Variants in FNIP1 observed in about 807,000 individuals in gnomAD.
FNIP1 encodes folliculin interacting protein 1.
Under a neutral mutation model 124.5 loss-of-function variants are expected in FNIP1, and 40 were observed. That is an observed-to-expected ratio of 0.32 (90% CI 0.25 to 0.42). The LOEUF is 0.42. FNIP1 is among the 10% of genes least tolerant of loss of function. The pLI is 1.00. For missense variants in FNIP1, 1,176 were observed against 1,403.7 expected (o/e 0.84, Z 2.59); for synonymous variants, 472 against 470.6 (o/e 1.00, Z -0.04).
chr5:131,677,676 TA>T, intron 13 of FNIP1, 26 bp downstream of exon 13: 1 of 1,586,924 alleles, frequency 6.3e-7, no homozygotes, highest in African/African-American at 1.3e-5. Context: ...GTCTAATACA[TA>T]GTGTAACAGT....
chr5:131,738,108 A>G (rs1384364996), intron 2 of FNIP1, among the ~76,000 whole-genome samples: 1 of 152,184 alleles, frequency 6.6e-6, no homozygotes, highest in Non-Finnish European at 1.5e-5. Flanking sequence ...CATATTGCCC[A>G]GGCTGGCCTC....
chr5:131,730,889 CATCA>C lies in FNIP1; in HGVS notation c.354+11_354+14del. On this transcript the variant is annotated intron_variant, in intron 3 of 17. Transcript: ENST00000510461. ...TATAAATGAATGAATAAATAAATGA[CATCA>C]ATGATCTTACCTGGTACTTAAGACA... The C allele has an allele frequency of 6.3e-7, 1 of 1,579,694 alleles. No homozygotes were observed. The highest frequency in any genetic ancestry group is 8.6e-7 in the Non-Finnish European group (1 of 1,162,976).
At chr5:131,770,377 G>C (rs1054478493) in intron 1 of FNIP1, among the ~76,000 whole-genome samples, 1 of 152,150 alleles carries the variant, frequency 6.6e-6, no homozygotes, top group African/African-American at 2.4e-5. Flanking sequence ...AGACATTTTA[G>C]AATGCTTTAC....
chr5:131,652,644 G>T (rs1299598311), intron 15 of FNIP1, among the ~76,000 whole-genome samples: 1 of 152,120 alleles, frequency 6.6e-6, no homozygotes, highest in Non-Finnish European at 1.5e-5. Context: ...CCTGGCCTGA[G>T]ACAAACATTT....
chr5:131,745,893 C>A (rs1490240877), intron 1 of FNIP1, among the ~76,000 whole-genome samples: 1 of 152,146 alleles, frequency 6.6e-6, no homozygotes, highest in African/African-American at 2.4e-5. Flanking sequence ...TAAGTAATGA[C>A]CTCCAGAGTT....
At chr5:131,690,435 C>T (rs150838286) in intron 11 of FNIP1, among the ~76,000 whole-genome samples, 55 of 152,194 alleles carry the variant, frequency 3.6e-4, no homozygotes, top group African/African-American at 1.1e-3. Context: ...ATTTGAATCA[C>T]GGAGGCGGTT....
chr5:131,796,870 C>T lies in FNIP1; in HGVS notation c.52G>A (p.Ala18Thr). The change falls in exon 1 of 18, where the codon GCG (alanine) becomes ACG (threonine). Residue 18 changes from alanine (A) to threonine (T), a missense_variant. Physicochemically the swap from Ala to Thr is moderately conservative, Grantham distance 58. Coordinates refer to ENST00000510461, the MANE Select transcript of FNIP1 (RefSeq NM_133372.3). ...GGGTCCCGGGCGTCGCGGCCGGGCGCGCCCAGCCCGGTCCTCTTGCTGAAG... is the reference window on the plus strand; with the variant it reads ...GGGTCCCGGGCGTCGCGGCCGGGCGTGCCCAGCCCGGTCCTCTTGCTGAAG... ...KLFSKRTGLG[A>T]PGRDARDPDC... 2 of 1,607,928 alleles carry T rather than the reference C, an allele frequency of 1.2e-6. No individual in the cohort carries two copies. Among genetic ancestry groups the T allele is most frequent in the Non-Finnish European group, 8.5e-7 (1 of 1,177,886 alleles).
chr5:131,654,761 C>T (rs551303071), intron 15 of FNIP1, among the ~76,000 whole-genome samples: 3 of 151,980 alleles, frequency 2.0e-5, no homozygotes, highest in South Asian at 4.2e-4. Flanking sequence ...ATGGATAATT[C>T]GGTAAGAGTA....
chr5:131,793,793 T>C (rs1474022618), intron 1 of FNIP1, among the ~76,000 whole-genome samples: 2 of 152,180 alleles, frequency 1.3e-5, no homozygotes, highest in Non-Finnish European at 2.9e-5. Context: ...TACAGTTAGT[T>C]GCCAATGGCT....
intron 1 of FNIP1, among the ~76,000 whole-genome samples, chr5:131,790,568 G>GA: frequency 6.6e-6 from 1 of 150,408 alleles, no homozygotes; most frequent in African/African-American, 2.4e-5. Context: ...CCCCTTACGT[G>GA]AATTTACAGA....
At chr5:131,702,996 AC>A (rs1346267073) in intron 10 of FNIP1, among the ~76,000 whole-genome samples, 1 of 152,198 alleles carries the variant, frequency 6.6e-6, no homozygotes, top group Non-Finnish European at 1.5e-5. Flanking sequence ...CCATCTATAC[AC>A]TGATGACTTC....
In FNIP1 at chr5:131,642,371, A is replaced by T. The variant is rs1766741080; in HGVS notation, c.*2314T>A. 6.6e-6 allele frequency: 1 copy of T among 152,386 alleles called. No homozygotes were observed. The highest frequency in any genetic ancestry group is 1.5e-5 in the Non-Finnish European group (1 of 68,026). The allele number at this position is 152,386 out of a possible 1,614,324, so 9.4% of individuals were successfully genotyped here. A position where few individuals can be genotyped will look rare whatever the true frequency, so the allele number is the denominator to read the frequency against. On this transcript the variant is annotated 3_prime_UTR_variant, in exon 18 of 18. Transcript: ENST00000510461. ...CAAAACAGTAACTCAGGAATCCTAT[A>T]AGGATTAATGATTCTTTAAGAAACT...
At chr5:131,795,198 G>A (rs1013878272) in intron 1 of FNIP1, among the ~76,000 whole-genome samples, 1 of 152,030 alleles carries the variant, frequency 6.6e-6, no homozygotes, top group African/African-American at 2.4e-5. Context: ...TGGGCTTACA[G>A]ATAATTCTTA....
At chr5:131,679,002 A>G (rs78850796) in intron 12 of FNIP1, 27 bp downstream of exon 12, 58,107 of 1,492,310 alleles carry the variant, frequency 0.039, 1,304 homozygotes, top group Non-Finnish European at 0.045. Flanking sequence ...CAATCTAGAT[A>G]TCTAGTTATA....
intron 1 of FNIP1, among the ~76,000 whole-genome samples, chr5:131,788,049 A>T (rs6875504): frequency 2.1e-4 from 32 of 152,040 alleles, no homozygotes; most frequent in African/African-American, 7.5e-4. Context: ...AAAGTAATGG[A>T]AAAGTTTCAA....
At chr5:131,744,504 A>T (rs1770608269) in intron 2 of FNIP1, 60 bp downstream of exon 2, 1 of 1,521,944 alleles carries the variant, frequency 6.6e-7, no homozygotes, top group Non-Finnish European at 8.9e-7. Context: ...CAGTTTGATA[A>T]TACTGGAATT....
intron 11 of FNIP1, among the ~76,000 whole-genome samples, chr5:131,682,490 G>A (rs1768122582): frequency 6.6e-6 from 1 of 151,972 alleles, no homozygotes. Context: ...AGGTCTAGGT[G>A]GGCGGATCAC....
At chr5:131,737,878 A>C (rs1340234598) in intron 2 of FNIP1, among the ~76,000 whole-genome samples, 1 of 152,198 alleles carries the variant, frequency 6.6e-6, no homozygotes, top group Non-Finnish European at 1.5e-5. Flanking sequence ...TGTATTCCCT[A>C]GTGCTTAACA....
At chr5:131,747,946 A>G (rs1770737547) in intron 1 of FNIP1, among the ~76,000 whole-genome samples, 1 of 152,112 alleles carries the variant, frequency 6.6e-6, no homozygotes, top group South Asian at 2.1e-4. Flanking sequence ...TAGCTCAAAG[A>G]AAATAACTCT....
Sources: gnomAD v4.1 joint callset for allele counts (sites outside exome capture counted in the v4.1 genomes callset) on GRCh38, gnomAD v4.1.1 for gene constraint, MANE v1.5 for transcripts, NCBI Gene and HGNC (gene_info 2026-07-23, HGNC 2026-07-21) for gene names.